Variants in PARD3B observed in about 807,000 individuals in gnomAD.
PARD3B encodes par-3 family cell polarity regulator beta, also known as partitioning defective 3 homolog B.
Under a neutral mutation model 130.2 loss-of-function variants are expected in PARD3B, and 103 were observed. The observed-to-expected ratio is 0.79, with a 90% CI of 0.67 to 0.93. The LOEUF is 0.93. PARD3B is among the 40% of genes least tolerant of loss of function. PARD3B has a pLI of 0.00. For missense variants in PARD3B, 1,609 were observed against 1,499.2 expected (o/e 1.07, Z -1.21); for synonymous variants, 583 against 553.2 (o/e 1.05, Z -0.76).
intron 1 of PARD3B, among the ~76,000 whole-genome samples, chr2:204,635,964 G>A (rs1426618507): frequency 6.6e-6 from 1 of 152,176 alleles, no homozygotes; most frequent in South Asian, 2.1e-4. Context: ...TAAGTTGCCA[G>A]GATAGCCTTC....
rs2033501925 is a variant in PARD3B, at chr2:205,148,170, A to G, written c.1435-10552A>G. Among the ~76,000 whole-genome samples, 5 of 152,034 alleles carry G rather than the reference A, an allele frequency of 3.3e-5. No homozygotes were observed. The South Asian group carries it at 8.3e-4, about 25-fold the overall frequency. The stretch of plus-strand genomic sequence containing the variant: ...CTATAGTCTATCATCTATATTGTCT[A>G]TCTATATAGTCTGTGTTGTTTAGAG... On this transcript the variant is annotated intron_variant, in intron 10 of 22. Transcript: ENST00000406610.
intron 1 of PARD3B, among the ~76,000 whole-genome samples, chr2:204,636,630 G>GA (rs1323254566): frequency 6.6e-6 from 1 of 152,132 alleles, no homozygotes; most frequent in African/African-American, 2.4e-5. Context: ...GCCTTCAGGA[G>GA]AACTGTTTTA....
At chr2:204,711,508 A>G (rs1039232857) in intron 2 of PARD3B, among the ~76,000 whole-genome samples, 5 of 152,060 alleles carry the variant, frequency 3.3e-5, no homozygotes, top group African/African-American at 4.8e-5. Context: ...TATTGTCTCA[A>G]TTATCCAAAA....
intron 2 of PARD3B, among the ~76,000 whole-genome samples, chr2:204,852,343 A>T (rs1382150192): frequency 6.6e-6 from 1 of 152,130 alleles, no homozygotes; most frequent in East Asian, 1.9e-4. Flanking sequence ...ATATGTATAT[A>T]GGGGAGATTC....
At chr2:204,561,404 C>G (rs1465762653) in intron 1 of PARD3B, among the ~76,000 whole-genome samples, 1 of 152,114 alleles carries the variant, frequency 6.6e-6, no homozygotes. Flanking sequence ...TTCCAGTCCC[C>G]TCTGTGACCC....
intron 21 of PARD3B, among the ~76,000 whole-genome samples, chr2:205,544,045 A>G (rs2052281968): frequency 6.6e-6 from 1 of 152,172 alleles, no homozygotes; most frequent in Admixed American, 6.5e-5. Flanking sequence ...AGTGAATAAC[A>G]CTGTCACAGA....
At chr2:205,073,195 C>G (rs901582361) in intron 4 of PARD3B, among the ~76,000 whole-genome samples, 1 of 152,032 alleles carries the variant, frequency 6.6e-6, no homozygotes, top group African/African-American at 2.4e-5. Context: ...TTAAAGTGGG[C>G]CACTTAAAAA....
chr2:204,957,839 T>C (rs987727343), intron 2 of PARD3B, among the ~76,000 whole-genome samples: 7 of 152,194 alleles, frequency 4.6e-5, no homozygotes, highest in African/African-American at 1.7e-4. Context: ...TTTCACAGTC[T>C]TACTTAGATT....
At chr2:205,022,183 T>C (rs543079621) in intron 3 of PARD3B, among the ~76,000 whole-genome samples, 3 of 152,198 alleles carry the variant, frequency 2.0e-5, no homozygotes, top group Admixed American at 6.5e-5. Context: ...ATGTCTTATC[T>C]AACATTACCT....
At chr2:205,486,261 A>G (rs1481542666) in intron 20 of PARD3B, among the ~76,000 whole-genome samples, 1 of 152,194 alleles carries the variant, frequency 6.6e-6, no homozygotes, top group African/African-American at 2.4e-5. Context: ...GAAACAATCC[A>G]TAGGAGATGG....
At chr2:205,207,707 G>A (rs1266428824) in intron 15 of PARD3B, among the ~76,000 whole-genome samples, 1 of 136,262 alleles carries the variant, frequency 7.3e-6, no homozygotes, top group African/African-American at 3.0e-5. Context: ...AACAGGAGCT[G>A]AAATTGTGGC....
intron 1 of PARD3B, among the ~76,000 whole-genome samples, chr2:204,574,022 G>GTCAC (rs1328307125): frequency 1.3e-5 from 2 of 152,180 alleles, no homozygotes; most frequent in Non-Finnish European, 1.5e-5. Flanking sequence ...GACTTGACCA[G>GTCAC]TCACTCACTG....
At chr2:205,251,435 G>A (rs1236938691) in intron 16 of PARD3B, among the ~76,000 whole-genome samples, 1 of 152,134 alleles carries the variant, frequency 6.6e-6, no homozygotes, top group African/African-American at 2.4e-5. Context: ...CTTACATTTT[G>A]TTCTAAATGC....
At position 204,681,698 on chromosome 2, in the gene PARD3B, C is replaced by A. The variant is rs550090943; in HGVS notation, c.121-4483C>A. Among the ~76,000 whole-genome samples, 11 of 152,300 alleles carry A rather than the reference C, an allele frequency of 7.2e-5. No homozygotes were observed. The South Asian group carries it at 2.3e-3, about 32-fold the overall frequency. ...TGCTCTGTGGCTGGCTACTCAGAGG[C>A]TCCTGTTCTCTGTCTGCCCCAAACA... On this transcript the variant is annotated intron_variant, in intron 1 of 22. Transcript: ENST00000406610.
At chr2:205,465,015 C>T (rs1052744650) in intron 20 of PARD3B, among the ~76,000 whole-genome samples, 3 of 152,096 alleles carry the variant, frequency 2.0e-5, no homozygotes, top group South Asian at 2.1e-4. Context: ...GACATGACTT[C>T]GTTACATCTC....
At chr2:204,986,015 T>C (rs146955473) in intron 3 of PARD3B, among the ~76,000 whole-genome samples, 2,974 of 145,302 alleles carry the variant, frequency 0.02, 98 homozygotes, top group African/African-American at 0.071. Context: ...GCAGGAGAAT[T>C]GCTTGAATCC....
chr2:204,722,464 G>A (rs1288456781), intron 2 of PARD3B, among the ~76,000 whole-genome samples: 4 of 152,146 alleles, frequency 2.6e-5, no homozygotes, highest in Admixed American at 2.6e-4. Flanking sequence ...TTAAAACCAG[G>A]ACCCTGAAAT....
chr2:205,173,937 AT>A (rs1263557725), intron 12 of PARD3B, among the ~76,000 whole-genome samples: 1 of 152,178 alleles, frequency 6.6e-6, no homozygotes, highest in Non-Finnish European at 1.5e-5. Flanking sequence ...CCTTCTGTGC[AT>A]CTGCATATCA....
At chr2:205,153,616 A>G (rs2033910203) in intron 10 of PARD3B, among the ~76,000 whole-genome samples, 1 of 152,178 alleles carries the variant, frequency 6.6e-6, no homozygotes, top group Non-Finnish European at 1.5e-5. Context: ...GAACAAAGCT[A>G]GAGGCATCAC....
Sources: gnomAD v4.1 joint callset for allele counts (sites outside exome capture counted in the v4.1 genomes callset) on GRCh38, gnomAD v4.1.1 for gene constraint, MANE v1.5 for transcripts, NCBI Gene and HGNC (gene_info 2026-07-23, HGNC 2026-07-21) for gene names.